The following ZNF253 variants were observed in gnomAD, a reference collection of about 807,000 sequenced individuals.
The protein encoded by ZNF253 is zinc finger protein 253.
A neutral mutation model predicts 11.9 loss-of-function variants in ZNF253; 8 were observed. That is an observed-to-expected ratio of 0.67 (90% CI 0.40 to 1.22). The LOEUF (loss-of-function observed/expected upper bound fraction) is 1.22, where lower values mean the gene tolerates loss of function less well. Among genes scored for constraint, ZNF253 ranks in the 50% most tolerant of loss-of-function variants. The pLI, the probability that ZNF253 is intolerant of heterozygous loss-of-function variation, is 0.01. For synonymous variants in ZNF253, 194 were observed against 194.9 expected, an observed-to-expected ratio of 1.00 and a Z score of 0.04; for missense variants, 485 against 586.9, an observed-to-expected ratio of 0.83 and a Z score of 1.79.
chr19:19,886,431 G>T (rs1019717663), intron 3 of ZNF253, among the ~76,000 whole-genome samples: 1 of 152,180 alleles, frequency 6.6e-6, no homozygotes, highest in South Asian at 2.1e-4. Context: ...ATATGGGTTG[G>T]ATATTCATGT....
intron 1 of ZNF253, among the ~76,000 whole-genome samples, chr19:19,869,060 TTTAAA>T (rs748166100): frequency 4.5e-4 from 68 of 152,296 alleles, no homozygotes; most frequent in Non-Finnish European, 7.9e-4. Flanking sequence ...TTTTTAGTCC[TTTAAA>T]TTAGACACAG....
At position 19,892,088 on chromosome 19, in the gene ZNF253, G is replaced by T; in HGVS notation, c.841G>T (p.Glu281Ter). Residue 281 changes from glutamate to a stop codon, truncating the protein, a stop_gained, in exon 4 of 4, where the codon GAG (glutamate) becomes TAG (stop). Coordinates refer to ENST00000589717, the MANE Select transcript of ZNF253 (RefSeq NM_021047.3). LOFTEE classifies it low-confidence loss of function (END_TRUNC). ...LTTHKIVHTGEKPYKCEECGK... is the reference protein window; with the variant it reads ...LTTHKIVHTG ...TACACATAAGATAGTTCATACTGGA[G>T]AGAAACCCTACAAATGTGAAGAATG... The T allele has an allele frequency of 6.2e-7, 1 of 1,614,010 alleles. No homozygotes were observed. The highest frequency in any genetic ancestry group is 8.5e-7 in the Non-Finnish European group (1 of 1,180,022).
chr19:19,869,006 G>T (rs1369362625), intron 1 of ZNF253, among the ~76,000 whole-genome samples: 1 of 151,902 alleles, frequency 6.6e-6, no homozygotes, highest in African/African-American at 2.4e-5. Flanking sequence ...TAGTACTTCA[G>T]AATTATTGCT....
chr19:19,880,169 A>G, intron 3 of ZNF253, 23 bp downstream of exon 3: 1 of 1,539,072 alleles, frequency 6.5e-7, no homozygotes, highest in South Asian at 1.2e-5. Context: ...GAAAACGAAT[A>G]CAACAGATGA....
At chr19:19,891,323 A>G in intron 3 of ZNF253, 151 bp from the exon 4 acceptor site, 1 of 651,594 alleles carries the variant, frequency 1.5e-6, no homozygotes, top group Non-Finnish European at 2.5e-6. Flanking sequence ...TGTTTTTGTT[A>G]CATTTATGTG....
At position 19,878,553 on chromosome 19, in the gene ZNF253, C is replaced by T. The variant is rs753613453; in HGVS notation, c.76C>T (p.Arg26Trp). The T allele has an allele frequency of 2.5e-5, 41 of 1,613,638 alleles. No individual in the cohort carries two copies. Among genetic ancestry groups the T allele is most frequent in the East Asian group, 1.8e-4 (8 of 44,858 alleles). ...EEWHCLDTAQ[R>W]NLYRDVMLEN... ...GTGGCATTGCCTGGACACTGCACAG[C>T]GGAATTTATATAGGGATGTGATGTT... The change falls in exon 2 of 4, where the codon CGG (arginine) becomes TGG (tryptophan). Residue 26 changes from arginine (R) to tryptophan (W), a missense_variant. This residue lies in a region of ZNF253 where 35 missense variants were observed against 52.4 expected (regional missense o/e 0.67). Coordinates refer to ENST00000589717, the MANE Select transcript of ZNF253 (RefSeq NM_021047.3).
chr19:19,874,905 A>G (rs947471284), intron 1 of ZNF253, among the ~76,000 whole-genome samples: 1 of 152,116 alleles, frequency 6.6e-6, no homozygotes, highest in Admixed American at 6.5e-5. Context: ...GAGAGACTCC[A>G]TCTCAAACAA....
chr19:19,879,278 C>T (rs903541804), intron 2 of ZNF253, among the ~76,000 whole-genome samples: 5 of 151,994 alleles, frequency 3.3e-5, no homozygotes, highest in Non-Finnish European at 5.9e-5. Flanking sequence ...AAATGTACTG[C>T]ATTTTATTAC....
chr19:19,868,008 A>G (rs1274636903), intron 1 of ZNF253, among the ~76,000 whole-genome samples: 1 of 150,288 alleles, frequency 6.7e-6, no homozygotes, highest in Non-Finnish European at 1.5e-5. Flanking sequence ...TTTGAAAAGC[A>G]TCTATTCATG....
chr19:19,865,926 C>T lies in ZNF253; in HGVS notation c.-71C>T. 1.3e-6 allele frequency: 2 copies of T among 1,599,708 alleles called. No homozygotes were observed. Among genetic ancestry groups the T allele is most frequent in the East Asian group, 2.2e-5 (1 of 44,830 alleles). ...TGTCCTGTGCTTATAGAGGCCCGTC[C>T]TCTGTGGCCGTGTGACCTGCAAGTA... is the stretch of plus-strand genomic sequence containing the variant. On this transcript the variant is annotated 5_prime_UTR_variant, in exon 1 of 4. Transcript: ENST00000589717.
chr19:19,866,083 C>T, intron 1 of ZNF253, 84 bp downstream of exon 1: 1 of 1,572,498 alleles, frequency 6.4e-7, no homozygotes, highest in Non-Finnish European at 8.7e-7. Context: ...TCTGCTTCCT[C>T]ACAGTCAGCT....
rs533847189 is a variant in ZNF253 at position 19,889,353 on chromosome 19, T to A, written c.227-2121T>A. Among the ~76,000 whole-genome samples, 619 of 152,240 alleles carry A rather than the reference T, an allele frequency of 4.1e-3. 4 individuals carry two copies. Among genetic ancestry groups the A allele is most frequent in the Non-Finnish European group, 6.8e-3 (465 of 68,016 alleles). On this transcript the variant is annotated intron_variant, in intron 3 of 3. Transcript: ENST00000589717. ...ATTTCTTTTATGTAATTAATTAATTTATTTATTTTCTGAGACAGAGTCTCA... is the reference window on the plus strand; with the variant it reads ...ATTTCTTTTATGTAATTAATTAATTAATTTATTTTCTGAGACAGAGTCTCA...
At chr19:19,872,634 T>C (rs750285553) in intron 1 of ZNF253, among the ~76,000 whole-genome samples, 3 of 148,794 alleles carry the variant, frequency 2.0e-5, no homozygotes, top group Non-Finnish European at 3.0e-5. Flanking sequence ...AATAAAAATA[T>C]CTGACAACTT....
chr19:19,874,584 A>G (rs1040771332), intron 1 of ZNF253, among the ~76,000 whole-genome samples: 2 of 151,876 alleles, frequency 1.3e-5, no homozygotes, highest in Non-Finnish European at 2.9e-5. Flanking sequence ...TGTATAGTAT[A>G]AAGTTGACAG....
At position 19,892,151 on chromosome 19, in the gene ZNF253, CAT is replaced by C; in HGVS notation, c.906_907del (p.His302GlnfsTer6). 1.2e-6 allele frequency: 2 copies of C among 1,613,820 alleles called. No homozygotes were observed. Among genetic ancestry groups the C allele is most frequent in the Non-Finnish European group, 1.7e-6 (2 of 1,179,932 alleles). ...TAAGCACCCCTCACACGTTACCACACATAAGAAAATTCATACTAGAGGGAAAC... is the reference window on the plus strand; with the variant it reads ...TAAGCACCCCTCACACGTTACCACACAAGAAAATTCATACTAGAGGGAAAC... ...AFKHPSHVTT[H>X]KKIHTRGKPY... On this transcript the variant is annotated frameshift_variant, in exon 4 of 4. Transcript: ENST00000589717. LOFTEE classifies it low-confidence loss of function (END_TRUNC).
rs1478138453 is a variant in ZNF253, at chr19:19,894,234, CTTG to C, written c.*1490_*1492del. 1 of 152,036 alleles carries C rather than the reference CTTG, an allele frequency of 6.6e-6. No individual in the cohort carries two copies. Among genetic ancestry groups the C allele is most frequent in the Non-Finnish European group, 1.5e-5 (1 of 67,998 alleles). The allele number at this position is 152,036 out of a possible 1,614,324, so 9.4% of individuals were successfully genotyped here. Reference sequence around the variant, plus strand: ...GCACTGTAATTACATTGAAAGTATACTTGTTTTCTTGAAAAAATTTTTTTGAAA... The same window carrying C: ...GCACTGTAATTACATTGAAAGTATACTTTTCTTGAAAAAATTTTTTTGAAA... On this transcript the variant is annotated 3_prime_UTR_variant, in exon 4 of 4. Coordinates refer to ENST00000589717, the MANE Select transcript of ZNF253 (RefSeq NM_021047.3).
At chr19:19,885,326 CTTTCTTTCTTTCTTT>C (rs2063200218) in intron 3 of ZNF253, among the ~76,000 whole-genome samples, 1 of 71,770 alleles carries the variant, frequency 1.4e-5, no homozygotes, top group Non-Finnish European at 2.2e-5. Context: ...TTCTTTCTTT[CTTTCTTTCTTTCTTT>C]CTTTCTTTCT....
rs778215855 is a variant in ZNF253 at position 19,892,085 on chromosome 19, G to A, written c.838G>A (p.Gly280Arg). The change falls in exon 4 of 4, where the codon GGA becomes AGA. Residue 280 changes from glycine (G) to arginine (R), a missense_variant. By Grantham distance (125) the Gly-to-Arg change is moderately radical (BLOSUM62 -2). Transcript: ENST00000589717. The part of the protein sequence containing the change: ...DLTTHKIVHT[G>R]EKPYKCEECG... ...TACTACACATAAGATAGTTCATACT[G>A]GAGAGAAACCCTACAAATGTGAAGA... 14 of 1,613,976 alleles carry A rather than the reference G, an allele frequency of 8.7e-6. No individual in the cohort carries two copies. Among genetic ancestry groups the A allele is most frequent in the Non-Finnish European group, 8.5e-6 (10 of 1,180,022 alleles).
intron 1 of ZNF253, among the ~76,000 whole-genome samples, chr19:19,871,514 G>A (rs1308763638): frequency 6.6e-6 from 1 of 152,202 alleles, no homozygotes; most frequent in Non-Finnish European, 1.5e-5. Context: ...AGCCATTTTT[G>A]TAGCAGAGTG....
Sources: allele counts gnomAD v4.1 joint callset (sites outside exome capture counted in the v4.1 genomes callset), GRCh38; gene constraint gnomAD v4.1.1; regional missense constraint gnomAD v4.1.1; transcripts MANE v1.5; gene names NCBI Gene and HGNC (gene_info 2026-07-23, HGNC 2026-07-21).